USP6NL: variants seen among roughly 807,000 people sequenced by gnomAD.
USP6NL encodes USP6 N-terminal-like protein.
A neutral mutation model predicts 61.9 loss-of-function variants in USP6NL; 26 were observed. The ratio of observed to expected loss-of-function variants is 0.42; its 90% confidence interval spans 0.31 to 0.58. USP6NL has a LOEUF of 0.58. Among genes scored for constraint, USP6NL ranks in the 20% least tolerant of loss-of-function variants. USP6NL has a pLI of 0.16. For synonymous variants in USP6NL, 432 were observed against 390.1 expected (o/e 1.11, Z -1.27); for missense variants, 1,114 against 1,034.3 (o/e 1.08, Z -1.06).
In USP6NL at chr10:11,532,630, TTTC is replaced by T. The variant is rs1835704455; in HGVS notation, c.5-5066_5-5064del. Among the ~76,000 whole-genome samples the T allele has an allele frequency of 6.6e-6, 1 of 152,302 alleles. No individual in the cohort carries two copies. Among genetic ancestry groups the T allele is most frequent in the African/African-American group, 2.4e-5 (1 of 41,556 alleles). On this transcript the variant is annotated intron_variant, in intron 2 of 14. Transcript: ENST00000609104. The surrounding 1 kb of genome is among the most constrained non-coding windows in gnomAD (Gnocchi z 4.1). The stretch of plus-strand genomic sequence containing the variant: ...CATCTTGTGTCTCGATATTAGCCAC[TTTC>T]TTATTTCTTATTAAAAATAAAACTT...
rs1425167938 is a variant in USP6NL at position 11,496,974 on chromosome 10, T to A, written c.385-3746A>T. On this transcript the variant is annotated intron_variant, in intron 7 of 14. Coordinates refer to ENST00000609104, the MANE Select transcript of USP6NL (RefSeq NM_014688.5). The surrounding 1 kb of genome is among the most constrained non-coding windows in gnomAD (Gnocchi z 5.4). ...ACAGAGGAAGACATTTAGAGTATTG[T>A]ATTAGATTCATATGGCCACTAAAAT... 6.6e-6 allele frequency among the ~76,000 whole-genome samples: 1 copy of A among 152,172 alleles called. No homozygotes were observed. Among genetic ancestry groups the A allele is most frequent in the Non-Finnish European group, 1.5e-5 (1 of 68,036 alleles).
intron 5 of USP6NL, among the ~76,000 whole-genome samples, chr10:11,515,621 T>A (rs1834920849): frequency 6.6e-6 from 1 of 152,174 alleles, no homozygotes; most frequent in East Asian, 1.9e-4. Flanking sequence ...AAATTTGGGG[T>A]CCACTTGGGG....
At chr10:11,572,334 G>A (rs977246476) in intron 2 of USP6NL, among the ~76,000 whole-genome samples, 6 of 151,876 alleles carry the variant, frequency 4.0e-5, no homozygotes, top group Non-Finnish European at 1.5e-5. Context: ...ATTTCAGAAG[G>A]GGAGCAGAAA....
intron 6 of USP6NL, among the ~76,000 whole-genome samples, chr10:11,503,615 T>C (rs1448023100): frequency 6.6e-6 from 1 of 152,194 alleles, no homozygotes. Flanking sequence ...TTACTGAGCA[T>C]TTACCATGCA....
chr10:11,466,079 T>A (rs766710305), intron 14 of USP6NL, among the ~76,000 whole-genome samples: 1 of 152,232 alleles, frequency 6.6e-6, no homozygotes, highest in African/African-American at 2.4e-5. Flanking sequence ...TTCCAATACT[T>A]TGCAGATTTC....
intron 2 of USP6NL, among the ~76,000 whole-genome samples, chr10:11,586,204 A>G (rs763615914): frequency 6.6e-6 from 1 of 152,198 alleles, no homozygotes; most frequent in African/African-American, 2.4e-5. Context: ...ATCCTTGTAC[A>G]CAATTACCAG....
chr10:11,543,683 T>A (rs141956989), intron 2 of USP6NL, among the ~76,000 whole-genome samples: 3 of 152,094 alleles, frequency 2.0e-5, no homozygotes, highest in Non-Finnish European at 4.4e-5. Context: ...CACAATCACG[T>A]TCCAGATATT....
rs1386343668 is a variant in USP6NL at position 11,592,828 on chromosome 10, T to C, written c.4+4803A>G. Among the ~76,000 whole-genome samples the C allele has an allele frequency of 6.6e-6, 1 of 152,234 alleles. No homozygotes were observed. The highest frequency in any genetic ancestry group is 1.5e-5 in the Non-Finnish European group (1 of 68,040). ...ATCCTTCTACTACCACTGAGAGATT[T>C]AGTAATCTATTCATTTATTTATAAC... is the stretch of plus-strand genomic sequence containing the variant. On this transcript the variant is annotated intron_variant, in intron 2 of 14. Transcript: ENST00000609104. The surrounding 1 kb of genome is among the most constrained non-coding windows in gnomAD (Gnocchi z 4.7).
In USP6NL at chr10:11,537,303, G is replaced by A. The variant is rs1281036347; in HGVS notation, c.5-9736C>T. On this transcript the variant is annotated intron_variant, in intron 2 of 14. Transcript: ENST00000609104. This position sits in a 1 kb window ranked among gnomAD's most constrained non-coding sequence, Gnocchi z 5.1. ...ATACTTGTATTTTTTGTCGAGACGGGATTTTGCCATGTTGCCCTGGCTGGT... is the reference window on the plus strand; with the variant it reads ...ATACTTGTATTTTTTGTCGAGACGGAATTTTGCCATGTTGCCCTGGCTGGT... Among the ~76,000 whole-genome samples, 3 of 152,068 alleles carry A rather than the reference G, an allele frequency of 2.0e-5. No individual in the cohort carries two copies. The highest frequency in any genetic ancestry group is 4.4e-5 in the Non-Finnish European group (3 of 68,014).
In USP6NL at chr10:11,537,689, G is replaced by C. The variant is rs546905797; in HGVS notation, c.5-10122C>G. On this transcript the variant is annotated intron_variant, in intron 2 of 14. Coordinates refer to ENST00000609104, the MANE Select transcript of USP6NL (RefSeq NM_014688.5). The surrounding 1 kb of genome is among the most constrained non-coding windows in gnomAD (Gnocchi z 5.1). ...AGTTGCCAAGCAAGTAGGGTCAGTGGGGCTGGGGAGGATGCAGCAAAGCTC... is the reference window on the plus strand; with the variant it reads ...AGTTGCCAAGCAAGTAGGGTCAGTGCGGCTGGGGAGGATGCAGCAAAGCTC... Among the ~76,000 whole-genome samples the C allele has an allele frequency of 6.6e-6, 1 of 152,258 alleles. No homozygotes were observed. Among genetic ancestry groups the C allele is most frequent in the South Asian group, 2.1e-4 (1 of 4,826 alleles).
At chr10:11,564,461 A>G (rs1837050445) in intron 2 of USP6NL, 1 of 152,216 alleles carries the variant, frequency 6.6e-6, no homozygotes, top group Non-Finnish European at 1.5e-5. Flanking sequence ...TATCTCACTT[A>G]GATGATAAGC....
At chr10:11,577,574 C>A (rs1435450581) in intron 2 of USP6NL, among the ~76,000 whole-genome samples, 1 of 152,116 alleles carries the variant, frequency 6.6e-6, no homozygotes, top group African/African-American at 2.4e-5. Context: ...AATCTCGGCT[C>A]ACTGCAACCT....
chr10:11,477,624 T>C (rs1379663304), intron 14 of USP6NL, among the ~76,000 whole-genome samples: 3 of 152,100 alleles, frequency 2.0e-5, no homozygotes, highest in East Asian at 1.9e-4. Flanking sequence ...CAGTATAACC[T>C]GACAACACAC....
At chr10:11,605,269 A>G (rs916588791) in intron 1 of USP6NL, among the ~76,000 whole-genome samples, 1 of 152,202 alleles carries the variant, frequency 6.6e-6, no homozygotes, top group Admixed American at 6.5e-5. Flanking sequence ...GTCAGAGTAC[A>G]GGATCCACCA....
At position 11,511,802 on chromosome 10, in the gene USP6NL, A is replaced by C. The variant is rs1834726875; in HGVS notation, c.196-2127T>G. On this transcript the variant is annotated intron_variant, in intron 5 of 14. Coordinates refer to ENST00000609104, the MANE Select transcript of USP6NL (RefSeq NM_014688.5). The surrounding 1 kb of genome is among the most constrained non-coding windows in gnomAD (Gnocchi z 4.9). ...TTAAGTATGCTTTTCCCTACAGCAA[A>C]AAATAAAATAAAATAATATATATTA... is the stretch of plus-strand genomic sequence containing the variant. Among the ~76,000 whole-genome samples the C allele has an allele frequency of 6.7e-6, 1 of 148,768 alleles. No homozygotes were observed. The highest frequency in any genetic ancestry group is 1.5e-5 in the Non-Finnish European group (1 of 67,450).
Position 11,485,194 on chromosome 10 carries a change from C to T in USP6NL, c.800G>A (p.Trp267Ter). Residue 267 changes from tryptophan (W) to a stop codon, truncating the protein, a stop_gained, in exon 12 of 15, where the codon TGG (tryptophan) becomes TAG (stop). Transcript: ENST00000609104. LOFTEE classifies it high-confidence loss of function. The surrounding 1 kb of genome is among the most constrained non-coding windows in gnomAD (Gnocchi z 4.8). ...EIYTSFYTMK[W>*]FFQCFLDRTP... Reference sequence around the variant, plus strand: ...ACGATCAAGGAAACACTGAAAAAACCATTTCATTGTGTAAAAACTTGTGTA... The same window carrying T: ...ACGATCAAGGAAACACTGAAAAAACTATTTCATTGTGTAAAAACTTGTGTA... The T allele has an allele frequency of 6.5e-7, 1 of 1,534,784 alleles. No individual in the cohort carries two copies. Among genetic ancestry groups the T allele is most frequent in the Non-Finnish European group, 8.7e-7 (1 of 1,143,398 alleles).
At position 11,550,400 on chromosome 10, in the gene USP6NL, A is replaced by G. The variant is rs1333095981; in HGVS notation, c.5-22833T>C. Among the ~76,000 whole-genome samples, 7 of 152,362 alleles carry G rather than the reference A, an allele frequency of 4.6e-5. No individual in the cohort carries two copies. In the South Asian group the frequency reaches 1.4e-3, roughly 32 times the overall value. On this transcript the variant is annotated intron_variant, in intron 2 of 14. Transcript: ENST00000609104. ...CTTATATCCAGATTAAAGAATTCTT[A>G]CAACCCAGTAAGAAGAAAACAAGCA...
intron 2 of USP6NL, among the ~76,000 whole-genome samples, chr10:11,544,169 C>T (rs564418155): frequency 6.6e-6 from 1 of 152,044 alleles, no homozygotes; most frequent in Non-Finnish European, 1.5e-5. Flanking sequence ...ATTCACCTGG[C>T]CAAAACCTTA....
At chr10:11,521,426 G>C (rs1160752164) in intron 4 of USP6NL, among the ~76,000 whole-genome samples, 1 of 148,968 alleles carries the variant, frequency 6.7e-6, no homozygotes, top group African/African-American at 2.5e-5. Flanking sequence ...TGTCACCCAG[G>C]CTGGAGTGCA....
Sources: gnomAD v4.1 joint callset for allele counts (sites outside exome capture counted in the v4.1 genomes callset) on GRCh38, gnomAD v4.1.1 for gene constraint, Gnocchi (gnomAD v3.1) non-coding constraint, MANE v1.5 for transcripts, NCBI Gene and HGNC (gene_info 2026-07-23, HGNC 2026-07-21) for gene names.